ARIH1: variants seen among roughly 807,000 people sequenced by gnomAD.
ARIH1 encodes E3 ubiquitin-protein ligase ARIH1.
In ARIH1, 8 loss-of-function variants were observed where a neutral mutation model predicts 85.0. The observed-to-expected ratio is 0.09, with a 90% confidence interval of 0.06 to 0.17. ARIH1 has a LOEUF of 0.17. ARIH1 is among the 10% of genes least tolerant of loss of function. The pLI is 1.00. For missense variants in ARIH1, 311 were observed against 718.1 expected (o/e 0.43, Z 6.48); for synonymous variants, 238 against 253.6 (o/e 0.94, Z 0.59).
At chr15:72,488,941 A>G (rs994176543) in intron 1 of ARIH1, among the ~76,000 whole-genome samples, 1 of 152,196 alleles carries the variant, frequency 6.6e-6, no homozygotes, top group Non-Finnish European at 1.5e-5. Context: ...CACAGTGATG[A>G]TGTTAAAGAC....
chr15:72,507,940 G>A (rs79258402), intron 1 of ARIH1, among the ~76,000 whole-genome samples: 5,365 of 152,142 alleles, frequency 0.035, 131 homozygotes, highest in East Asian at 0.12. Flanking sequence ...GTACTTTTTC[G>A]GAGCCTGTGT....
intron 1 of ARIH1, among the ~76,000 whole-genome samples, chr15:72,483,705 A>C (rs2063825371): frequency 6.6e-6 from 1 of 152,178 alleles, no homozygotes; most frequent in Non-Finnish European, 1.5e-5. Flanking sequence ...TATACCTGTA[A>C]ATGATAAACA....
rs968020426 is a variant in ARIH1, at chr15:72,590,187, A to T, written c.*6895A>T. The T allele has an allele frequency of 1.6e-4, 24 of 152,260 alleles. No homozygotes were observed. The highest frequency in any genetic ancestry group is 5.8e-4 in the African/African-American group (24 of 41,456). The allele number at this position is 152,260 out of a possible 1,614,324, so 9.4% of individuals were successfully genotyped here. ...GAAGCTCTCAACCTTGATTCTGCATAGACTCGGTGGATTGCCCAAGGCCAC... is the reference window on the plus strand; with the variant it reads ...GAAGCTCTCAACCTTGATTCTGCATTGACTCGGTGGATTGCCCAAGGCCAC... On this transcript the variant is annotated 3_prime_UTR_variant, in exon 14 of 14. Transcript: ENST00000379887.
In ARIH1 at chr15:72,583,489, G is replaced by C; in HGVS notation, c.*197G>C. 1 of 476,654 alleles carries C rather than the reference G, an allele frequency of 2.1e-6. No individual in the cohort carries two copies. Among genetic ancestry groups the C allele is most frequent in the Non-Finnish European group, 3.7e-6 (1 of 269,032 alleles). The allele number at this position is 476,654 out of a possible 1,614,324, so 29.5% of individuals were successfully genotyped here. ...AAGGTAGATAAACCATTGTACAACA[G>C]TATTCTAGGCCACCAACAAAAGTGT... On this transcript the variant is annotated 3_prime_UTR_variant, in exon 14 of 14. Transcript: ENST00000379887.
chr15:72,529,632 G>A (rs1050254973), intron 2 of ARIH1, among the ~76,000 whole-genome samples: 1 of 152,112 alleles, frequency 6.6e-6, no homozygotes, highest in Non-Finnish European at 1.5e-5. Context: ...ATGGCTCCAT[G>A]GTACTTAGAG....
intron 1 of ARIH1, among the ~76,000 whole-genome samples, chr15:72,508,479 C>T (rs1464562113): frequency 6.6e-6 from 1 of 152,198 alleles, no homozygotes; most frequent in East Asian, 1.9e-4. Flanking sequence ...TCCATGTATT[C>T]AAATCCTACT....
intron 1 of ARIH1, among the ~76,000 whole-genome samples, chr15:72,480,765 A>G (rs962020082): frequency 6.6e-6 from 1 of 152,062 alleles, no homozygotes; most frequent in Admixed American, 6.6e-5. Flanking sequence ...GGGTTTCTCC[A>G]TGTTGGTCAG....
chr15:72,550,417 A>G (rs2064148565), intron 3 of ARIH1, among the ~76,000 whole-genome samples: 1 of 152,222 alleles, frequency 6.6e-6, no homozygotes. Flanking sequence ...ACATATAAGC[A>G]TGTGTATATG....
At chr15:72,532,615 G>A (rs1456629338) in intron 2 of ARIH1, among the ~76,000 whole-genome samples, 1 of 152,116 alleles carries the variant, frequency 6.6e-6, no homozygotes, top group Non-Finnish European at 1.5e-5. Context: ...ACACCAGTTT[G>A]TCTTATGTAC....
intron 3 of ARIH1, among the ~76,000 whole-genome samples, chr15:72,553,246 C>T (rs1179582248): frequency 2.0e-5 from 3 of 152,104 alleles, no homozygotes; most frequent in Non-Finnish European, 4.4e-5. Context: ...ACATAATCCT[C>T]CAGATCATCT....
intron 1 of ARIH1, among the ~76,000 whole-genome samples, chr15:72,487,084 T>C (rs1448570512): frequency 6.6e-6 from 1 of 151,728 alleles, no homozygotes; most frequent in East Asian, 1.9e-4. Context: ...ATTATTATTT[T>C]TTTTTGTATG....
intron 3 of ARIH1, among the ~76,000 whole-genome samples, chr15:72,552,781 T>G (rs988835765): frequency 6.6e-6 from 1 of 151,516 alleles, no homozygotes; most frequent in African/African-American, 2.4e-5. Context: ...AGGCCTGTTT[T>G]TTTTTTTTTT....
intron 1 of ARIH1, among the ~76,000 whole-genome samples, chr15:72,485,759 CTAAATTATTGACTGTATATACACA>C (rs2063835122): frequency 6.6e-6 from 1 of 152,078 alleles, no homozygotes; most frequent in Non-Finnish European, 1.5e-5. Context: ...CATAACTTTG[CTAAATTATTGACTGTATATACACA>C]ACTCATCGTT....
intron 2 of ARIH1, among the ~76,000 whole-genome samples, chr15:72,533,841 A>G (rs1244560526): frequency 6.6e-6 from 1 of 152,196 alleles, no homozygotes; most frequent in Non-Finnish European, 1.5e-5. Flanking sequence ...TAGGAGGTCA[A>G]GGCTGCTGTG....
rs2064313889 is a variant in ARIH1 at position 72,585,820 on chromosome 15, T to A, written c.*2528T>A. On this transcript the variant is annotated 3_prime_UTR_variant, in exon 14 of 14. Transcript: ENST00000379887. ...ACCATATTTGACAGAATTCCCAGAG[T>A]GAATTGCTTGTGTTATTAGTAGATT... is the stretch of plus-strand genomic sequence containing the variant. 6.6e-6 allele frequency: 1 copy of A among 152,020 alleles called. No homozygotes were observed. Among genetic ancestry groups the A allele is most frequent in the Non-Finnish European group, 1.5e-5 (1 of 68,000 alleles). 9.4% of individuals were successfully genotyped at this position (152,020 alleles called of 1,614,324 possible).
At chr15:72,496,253 A>G (rs1183406676) in intron 1 of ARIH1, among the ~76,000 whole-genome samples, 2 of 152,168 alleles carry the variant, frequency 1.3e-5, no homozygotes, top group African/African-American at 4.8e-5. Flanking sequence ...AATCGACCTA[A>G]ATAATACTGT....
intron 3 of ARIH1, among the ~76,000 whole-genome samples, chr15:72,548,038 G>A (rs2064137364): frequency 6.6e-6 from 1 of 152,118 alleles, no homozygotes; most frequent in Admixed American, 6.5e-5. Flanking sequence ...AACACACTAG[G>A]CACTATTCTA....
chr15:72,560,315 G>A (rs1475383400), intron 5 of ARIH1, among the ~76,000 whole-genome samples: 2 of 152,128 alleles, frequency 1.3e-5, no homozygotes, highest in African/African-American at 2.4e-5. Flanking sequence ...ATATCCAAAC[G>A]AGTGTGGAAA....
intron 2 of ARIH1, among the ~76,000 whole-genome samples, chr15:72,521,160 T>C (rs80240904): frequency 6.6e-6 from 1 of 151,966 alleles, no homozygotes; most frequent in East Asian, 1.9e-4. Context: ...TTGAATTTTT[T>C]ATTTGATTGT....
Sources: allele counts gnomAD v4.1 joint callset (sites outside exome capture counted in the v4.1 genomes callset), GRCh38; gene constraint gnomAD v4.1.1; transcripts MANE v1.5; gene names NCBI Gene and HGNC (gene_info 2026-07-23, HGNC 2026-07-21).